The following CUX1 variants were observed in gnomAD, a reference collection of about 807,000 sequenced individuals.
CUX1 encodes protein CASP.
Under a neutral mutation model 158.8 loss-of-function variants are expected in CUX1, and 31 were observed. That is an observed-to-expected ratio of 0.20 (90% CI 0.15 to 0.26). The LOEUF is 0.26. Ranked by LOEUF, CUX1 falls within the 10% of genes least tolerant of loss-of-function variation. CUX1 has a pLI of 1.00. For synonymous variants in CUX1, 879 were observed against 862.1 expected (o/e 1.02, Z -0.34); for missense variants, 1,589 against 2,014.6 (o/e 0.79, Z 4.04).
In CUX1 at chr7:102,253,575, A is replaced by G; in HGVS notation, c.*4533A>G. 1.0e-6 allele frequency: 1 copy of G among 985,478 alleles called. No homozygotes were observed. Among genetic ancestry groups the G allele is most frequent in the Non-Finnish European group, 1.2e-6 (1 of 829,946 alleles). 61.0% of individuals were successfully genotyped at this position (985,478 alleles called of 1,614,324 possible). ...TGTTTTTCATTCCTCTGATTTTAGCAAAGCAAATCTTACTGAAAAATAGCA... is the reference window on the plus strand; with the variant it reads ...TGTTTTTCATTCCTCTGATTTTAGCGAAGCAAATCTTACTGAAAAATAGCA... On this transcript the variant is annotated 3_prime_UTR_variant, in exon 24 of 24. Coordinates refer to ENST00000292535, the MANE Select transcript of CUX1 (RefSeq NM_181552.4).
Position 102,201,650 on chromosome 7 carries a change from A to G in CUX1, c.2353A>G (p.Lys785Glu). The change falls in exon 18 of 24, where the codon AAA becomes GAA. Residue 785 changes from lysine (K) to glutamate (E), a missense_variant. Transcript: ENST00000292535. The surrounding 1 kb of genome is among the most constrained non-coding windows in gnomAD (Gnocchi z 5.0). ...ASALPNPPAL[K>E]KEAQDAPGLD... ...TGCTCTGCCGAACCCCCCGGCCCTC[A>G]AAAAGGAGGCCCAGGACGCCCCCGG... The G allele has an allele frequency of 6.2e-7, 1 of 1,613,370 alleles. No homozygotes were observed. The highest frequency in any genetic ancestry group is 2.2e-5 in the East Asian group (1 of 44,872).
chr7:101,842,157 C>G (rs145243145), intron 1 of CUX1, among the ~76,000 whole-genome samples: 2 of 152,016 alleles, frequency 1.3e-5, no homozygotes. Context: ...GAACATAGTT[C>G]ACATAATCCT....
At chr7:101,838,416 C>T (rs1316144665) in intron 1 of CUX1, among the ~76,000 whole-genome samples, 1 of 151,112 alleles carries the variant, frequency 6.6e-6, no homozygotes, top group African/African-American at 2.4e-5. Context: ...AGGCGTGAGC[C>T]ACCTCACCTG....
At chr7:102,019,016 T>C (rs968875946) in intron 2 of CUX1, among the ~76,000 whole-genome samples, 1 of 152,148 alleles carries the variant, frequency 6.6e-6, no homozygotes, top group African/African-American at 2.4e-5. Context: ...GTTGGCTTAG[T>C]GGCATTGGCA....
intron 10 of CUX1, among the ~76,000 whole-genome samples, chr7:102,178,017 G>A (rs968873653): frequency 1.3e-5 from 2 of 151,990 alleles, no homozygotes; most frequent in East Asian, 1.9e-4. Context: ...TCAGCCTCCC[G>A]AGTAGCTGGG....
chr7:101,901,667 A>AC (rs917181729), intron 1 of CUX1, among the ~76,000 whole-genome samples: 1 of 151,522 alleles, frequency 6.6e-6, no homozygotes, highest in African/African-American at 2.4e-5. Context: ...GTTCCCAGGG[A>AC]CCCCCCAAAG....
At chr7:102,193,733 C>T (rs190614616) in intron 12 of CUX1, 109 bp from the exon 13 acceptor site, 1 of 1,088,474 alleles carries the variant, frequency 9.2e-7, no homozygotes, top group Non-Finnish European at 1.3e-6. Flanking sequence ...TGAACCTGGG[C>T]AGAGGTTGCA....
chr7:101,862,647 TACATCGAGGG>T (rs1355813621), intron 1 of CUX1, among the ~76,000 whole-genome samples: 1 of 152,166 alleles, frequency 6.6e-6, no homozygotes, highest in Non-Finnish European at 1.5e-5. Context: ...TGACATAATT[TACATCGAGGG>T]ACATATTAAA....
chr7:102,060,553 G>GTA (rs926780117), intron 3 of CUX1, among the ~76,000 whole-genome samples: 9 of 147,964 alleles, frequency 6.1e-5, no homozygotes, highest in Non-Finnish European at 9.0e-5. Flanking sequence ...CAAGGCTTCA[G>GTA]TATATATATA....
intron 9 of CUX1, among the ~76,000 whole-genome samples, chr7:102,164,234 G>A (rs1790765613): frequency 6.6e-6 from 1 of 152,196 alleles, no homozygotes; most frequent in Non-Finnish European, 1.5e-5. Context: ...CGAGTTGCTG[G>A]TGGGTCTCAA....
rs558776539 is a variant in CUX1 at position 101,846,737 on chromosome 7, C to A, written c.30+29068C>A. On this transcript the variant is annotated intron_variant, in intron 1 of 23. Transcript: ENST00000292535. ...AGGCCAAGGAGGTGCTAGTGGCAGC[C>A]CCACGGACAGTAGCAATTAAGACCA... 3.9e-4 allele frequency among the ~76,000 whole-genome samples: 60 copies of A among 152,180 alleles called. 1 individual carries two copies. In the South Asian group the frequency reaches 0.011, roughly 28 times the overall value.
At chr7:101,832,517 CA>C (rs1322517668) in intron 1 of CUX1, among the ~76,000 whole-genome samples, 3 of 152,164 alleles carry the variant, frequency 2.0e-5, no homozygotes, top group African/African-American at 7.2e-5. Flanking sequence ...TTATCAAACA[CA>C]AGTGGGGCGA....
intron 2 of CUX1, among the ~76,000 whole-genome samples, chr7:101,923,092 A>G (rs1429796633): frequency 6.6e-6 from 1 of 152,172 alleles, no homozygotes; most frequent in African/African-American, 2.4e-5. Context: ...GGTCTGCAGC[A>G]TGTCTGACCT....
chr7:101,948,087 C>T (rs769440249), intron 2 of CUX1, among the ~76,000 whole-genome samples: 1 of 152,202 alleles, frequency 6.6e-6, no homozygotes, highest in Non-Finnish European at 1.5e-5. Flanking sequence ...ACTCACAGGA[C>T]GCCAGGCAGC....
rs568227733 is a variant in CUX1, at chr7:101,937,509, CT to C, written c.141+21299del. Among the ~76,000 whole-genome samples the C allele has an allele frequency of 6.3e-3, 893 of 141,400 alleles. 2 individuals carry two copies. Among genetic ancestry groups the C allele is most frequent in the Middle Eastern group, 0.014 (4 of 276 alleles). 92.8% of individuals were successfully genotyped at this position (141,400 alleles called of 152,430 possible). A position where few individuals can be genotyped will look rare whatever the true frequency, so the allele number is the denominator to read the frequency against. On this transcript the variant is annotated intron_variant, in intron 2 of 23. Coordinates refer to ENST00000292535, the MANE Select transcript of CUX1 (RefSeq NM_181552.4). ...GAAAAGGGATAAATCAAAATCAAGT[CT>C]TTTTTTTTTTTTTTAATTGAGACAG...
At chr7:102,110,005 G>T (rs1315903412) in intron 6 of CUX1, among the ~76,000 whole-genome samples, 3 of 152,106 alleles carry the variant, frequency 2.0e-5, no homozygotes, top group Admixed American at 1.3e-4. Flanking sequence ...AACTATGTTT[G>T]CTGGAATAGA....
At chr7:102,236,922 A>G (rs951299569) in intron 22 of CUX1, among the ~76,000 whole-genome samples, 2 of 152,124 alleles carry the variant, frequency 1.3e-5, no homozygotes, top group Non-Finnish European at 2.9e-5. Context: ...GACCTTTCCA[A>G]AGGTGCCCTA....
At chr7:102,039,495 A>C (rs560392784) in intron 3 of CUX1, among the ~76,000 whole-genome samples, 22 of 152,076 alleles carry the variant, frequency 1.4e-4, no homozygotes, top group Middle Eastern at 3.4e-3. Flanking sequence ...CTCTACAAAA[A>C]AATGCAAACG....
chr7:102,130,036 C>T (rs1019560091), intron 8 of CUX1, among the ~76,000 whole-genome samples: 19 of 152,192 alleles, frequency 1.2e-4, no homozygotes, highest in African/African-American at 4.3e-4. Flanking sequence ...TAATTGAACT[C>T]ATTGATTTCC....
Sources: allele counts gnomAD v4.1 joint callset (sites outside exome capture counted in the v4.1 genomes callset), GRCh38; gene constraint gnomAD v4.1.1; non-coding constraint Gnocchi (gnomAD v3.1); transcripts MANE v1.5; gene names NCBI Gene and HGNC (gene_info 2026-07-23, HGNC 2026-07-21).